The following CHST9 variants were observed in gnomAD, a reference collection of about 807,000 sequenced individuals.
CHST9 encodes the protein carbohydrate sulfotransferase 9.
A neutral mutation model predicts 44.4 loss-of-function variants in CHST9; 41 were observed. The observed-to-expected ratio is 0.92, with a 90% CI of 0.72 to 1.20. The LOEUF (loss-of-function observed/expected upper bound fraction) is 1.20. Ranked by LOEUF, CHST9 falls within the 50% of genes most tolerant of loss-of-function variation. The pLI is 0.00. For missense variants in CHST9, 504 were observed against 516.5 expected (o/e 0.98, Z 0.23); for synonymous variants, 171 against 178.4 (o/e 0.96, Z 0.33).
At chr18:26,953,448 C>G (rs1001994737) in intron 4 of CHST9, among the ~76,000 whole-genome samples, 2 of 151,764 alleles carry the variant, frequency 1.3e-5, no homozygotes, top group East Asian at 3.9e-4. Context: ...TATAAAGGAA[C>G]ATTAAACTGG....
At chr18:27,160,711 T>C (rs1332556670) in intron 1 of CHST9, among the ~76,000 whole-genome samples, 2 of 152,226 alleles carry the variant, frequency 1.3e-5, no homozygotes, top group Admixed American at 6.5e-5. Flanking sequence ...GTACCTCTAG[T>C]ATAATTCGGC....
chr18:27,166,910 T>C (rs939158247), intron 1 of CHST9, among the ~76,000 whole-genome samples: 1 of 152,196 alleles, frequency 6.6e-6, no homozygotes, highest in African/African-American at 2.4e-5. Context: ...ACATATGTAC[T>C]GAATTAGACA....
intron 4 of CHST9, among the ~76,000 whole-genome samples, chr18:26,949,245 A>G (rs17623044): frequency 0.18 from 27,755 of 152,068 alleles, 2,615 homozygotes; most frequent in East Asian, 0.24. Flanking sequence ...GTATTTCTGA[A>G]GTAGGTTCTG....
At chr18:27,171,106 C>T (rs1033291551) in intron 1 of CHST9, among the ~76,000 whole-genome samples, 2 of 152,160 alleles carry the variant, frequency 1.3e-5, no homozygotes, top group African/African-American at 4.8e-5. Flanking sequence ...TTGCATGTTT[C>T]CAACTTGAGG....
At chr18:27,093,957 T>C (rs535668807) in intron 2 of CHST9, among the ~76,000 whole-genome samples, 36 of 152,232 alleles carry the variant, frequency 2.4e-4, no homozygotes, top group African/African-American at 8.4e-4. Flanking sequence ...AAAAGGTGTA[T>C]GTTCTTAGTT....
At chr18:27,119,545 C>G (rs530835897) in intron 2 of CHST9, among the ~76,000 whole-genome samples, 1 of 152,044 alleles carries the variant, frequency 6.6e-6, no homozygotes, top group East Asian at 1.9e-4. Flanking sequence ...ATTACTTGCC[C>G]CTCTCCAGTG....
chr18:27,145,184 T>C (rs1436072780), intron 1 of CHST9, among the ~76,000 whole-genome samples: 2 of 152,060 alleles, frequency 1.3e-5, no homozygotes, highest in Admixed American at 1.3e-4. Context: ...GTTTGTTTGT[T>C]TGTTTGTTTT....
At chr18:26,940,747 C>T (rs1257043904) in intron 5 of CHST9, among the ~76,000 whole-genome samples, 1 of 152,088 alleles carries the variant, frequency 6.6e-6, no homozygotes, top group Non-Finnish European at 1.5e-5. Flanking sequence ...ATTATGTCCC[C>T]CAAACAGATA....
chr18:26,994,255 A>G (rs1168283589), intron 4 of CHST9, among the ~76,000 whole-genome samples: 1 of 152,250 alleles, frequency 6.6e-6, no homozygotes, highest in Non-Finnish European at 1.5e-5. Flanking sequence ...ATCAATGTAT[A>G]TATTTAAAAG....
intron 1 of CHST9, among the ~76,000 whole-genome samples, chr18:27,156,957 A>G (rs2058702487): frequency 6.6e-6 from 1 of 152,120 alleles, no homozygotes; most frequent in South Asian, 2.1e-4. Flanking sequence ...TGAGATAATA[A>G]AATGTAAATA....
intron 4 of CHST9, among the ~76,000 whole-genome samples, chr18:26,996,706 G>A (rs78718630): frequency 0.011 from 1,616 of 152,244 alleles, 32 homozygotes; most frequent in African/African-American, 0.037. Flanking sequence ...TACTGCCTTG[G>A]ATTACTGTCC....
At chr18:26,975,484 T>A (rs1259480328) in intron 4 of CHST9, among the ~76,000 whole-genome samples, 1 of 151,856 alleles carries the variant, frequency 6.6e-6, no homozygotes, top group Admixed American at 6.6e-5. Context: ...TAAGTCCATG[T>A]GCACACATTA....
intron 1 of CHST9, among the ~76,000 whole-genome samples, chr18:27,150,003 A>G (rs1473064529): frequency 6.6e-6 from 1 of 151,574 alleles, no homozygotes; most frequent in African/African-American, 2.4e-5. Context: ...TAAAAGTTAC[A>G]TTTTGCTTGT....
At chr18:27,137,636 G>T (rs1299392201) in intron 2 of CHST9, among the ~76,000 whole-genome samples, 2 of 152,090 alleles carry the variant, frequency 1.3e-5, no homozygotes, top group African/African-American at 2.4e-5. Flanking sequence ...AATGAAATAT[G>T]ATTGAAAAAT....
intron 1 of CHST9, among the ~76,000 whole-genome samples, chr18:27,168,894 A>G (rs1026310631): frequency 1.3e-5 from 2 of 152,256 alleles, no homozygotes; most frequent in African/African-American, 2.4e-5. Context: ...TAATCAGTTT[A>G]GCCCGTTCAA....
At chr18:27,027,440 T>C (rs1228760887) in intron 3 of CHST9, among the ~76,000 whole-genome samples, 3 of 152,316 alleles carry the variant, frequency 2.0e-5, no homozygotes, top group Admixed American at 2.0e-4. Context: ...ACAGTGAAGT[T>C]TAGGTCCTTT....
intron 1 of CHST9, among the ~76,000 whole-genome samples, chr18:27,159,221 C>T (rs1261606289): frequency 6.6e-6 from 1 of 152,144 alleles, no homozygotes; most frequent in African/African-American, 2.4e-5. Context: ...AGGTTTTCTT[C>T]TAGGGGTTTT....
At chr18:27,056,963 CCA>C (rs1216708371) in intron 2 of CHST9, among the ~76,000 whole-genome samples, 1 of 152,124 alleles carries the variant, frequency 6.6e-6, no homozygotes, top group African/African-American at 2.4e-5. Flanking sequence ...AAAATTCTCC[CCA>C]GTTATGAGCT....
At chr18:27,174,470 T>C (rs542441523) in intron 1 of CHST9, among the ~76,000 whole-genome samples, 1 of 152,158 alleles carries the variant, frequency 6.6e-6, no homozygotes, top group South Asian at 2.1e-4. Flanking sequence ...CTTCTAGTGA[T>C]GTCAAGTCTG....
Sources: allele counts gnomAD v4.1 joint callset (sites outside exome capture counted in the v4.1 genomes callset), GRCh38; gene constraint gnomAD v4.1.1; transcripts MANE v1.5; gene names NCBI Gene and HGNC (gene_info 2026-07-23, HGNC 2026-07-21).